KCNT2: variants seen among roughly 807,000 people sequenced by gnomAD.
The protein encoded by KCNT2 is potassium channel subfamily T member 2.
In KCNT2, 67 loss-of-function variants were observed where a neutral mutation model predicts 153.8. The ratio of observed to expected loss-of-function variants is 0.44; its 90% CI spans 0.36 to 0.53. The LOEUF (loss-of-function observed/expected upper bound fraction) is 0.53. Ranked by LOEUF, KCNT2 falls within the 20% of genes least tolerant of loss-of-function variation. The probability of loss-of-function intolerance (pLI) is 0.00; values close to 1 mark genes in which losing one functional copy is unlikely to be tolerated. For synonymous variants in KCNT2, 500 were observed against 458.8 expected, an observed-to-expected ratio of 1.09 and a Z score of -1.15; for missense variants, 975 against 1,354.8, an observed-to-expected ratio of 0.72 and a Z score of 4.40.
intron 1 of KCNT2, among the ~76,000 whole-genome samples, chr1:196,578,973 A>C: frequency 6.6e-6 from 1 of 152,144 alleles, no homozygotes; most frequent in African/African-American, 2.4e-5. Flanking sequence ...TATAATCCCT[A>C]GCTCTACACA....
intron 1 of KCNT2, among the ~76,000 whole-genome samples, chr1:196,499,299 A>G (rs1479088254): frequency 6.6e-6 from 1 of 152,214 alleles, no homozygotes; most frequent in Non-Finnish European, 1.5e-5. Flanking sequence ...GTGGTGCTTC[A>G]TTGTGGCAGT....
At chr1:196,558,381 G>C (rs1658953440) in intron 1 of KCNT2, among the ~76,000 whole-genome samples, 1 of 74,278 alleles carries the variant, frequency 1.3e-5, no homozygotes, top group South Asian at 4.6e-4. Flanking sequence ...CTAAAATAAC[G>C]TGTGTGTGTG....
chr1:196,595,513 C>G (rs1162514030), intron 1 of KCNT2, among the ~76,000 whole-genome samples: 7 of 152,016 alleles, frequency 4.6e-5, no homozygotes, highest in Non-Finnish European at 1.0e-4. Flanking sequence ...TACTAAAATC[C>G]ACAAATGCTC....
intron 9 of KCNT2, 68 bp downstream of exon 9, chr1:196,429,509 A>G (rs1673949101): frequency 9.8e-7 from 1 of 1,023,056 alleles, no homozygotes; most frequent in Admixed American, 2.7e-5. Flanking sequence ...TCCATTTCTT[A>G]TTAAATGTGG....
intron 1 of KCNT2, among the ~76,000 whole-genome samples, chr1:196,590,538 G>C (rs942153591): frequency 5.3e-5 from 8 of 152,066 alleles, no homozygotes; most frequent in Admixed American, 1.3e-4. Flanking sequence ...CCAGACCCTG[G>C]CACTAGCCTC....
chr1:196,339,041 C>T (rs1020030205), intron 16 of KCNT2, among the ~76,000 whole-genome samples: 12 of 148,172 alleles, frequency 8.1e-5, no homozygotes, highest in Non-Finnish European at 1.6e-4. Context: ...TTTGAATATG[C>T]TGTGCCAGTT....
intron 25 of KCNT2, among the ~76,000 whole-genome samples, chr1:196,272,641 C>T (rs1207456785): frequency 1.3e-5 from 2 of 151,788 alleles, no homozygotes. Context: ...CTTGTTGAAA[C>T]CACAGGAAGC....
intron 1 of KCNT2, among the ~76,000 whole-genome samples, chr1:196,548,635 C>T (rs1205879702): frequency 6.6e-6 from 1 of 152,002 alleles, no homozygotes; most frequent in Non-Finnish European, 1.5e-5. Flanking sequence ...TACCATTTGA[C>T]CCAGCCATCC....
intron 1 of KCNT2, among the ~76,000 whole-genome samples, chr1:196,527,778 A>T (rs1654432422): frequency 6.6e-6 from 1 of 152,212 alleles, no homozygotes. Flanking sequence ...GCTGGTGCAC[A>T]AGAAGGAACA....
At chr1:196,398,326 T>C (rs754033486) in intron 13 of KCNT2, among the ~76,000 whole-genome samples, 6 of 151,522 alleles carry the variant, frequency 4.0e-5, no homozygotes, top group Non-Finnish European at 8.9e-5. Flanking sequence ...TCCATTATGT[T>C]AAGGTACTAA....
At chr1:196,596,756 C>A (rs1292069097) in intron 1 of KCNT2, among the ~76,000 whole-genome samples, 1 of 151,988 alleles carries the variant, frequency 6.6e-6, no homozygotes, top group South Asian at 2.1e-4. Flanking sequence ...TGCTGGCATG[C>A]AATCATGTGA....
chr1:196,257,507 T>A, intron 26 of KCNT2: 1 of 974,208 alleles, frequency 1.0e-6, no homozygotes. Flanking sequence ...ATCATTTGGT[T>A]TTCCTTTGAC....
chr1:196,456,002 C>T (rs978244354), intron 8 of KCNT2, among the ~76,000 whole-genome samples: 4 of 152,038 alleles, frequency 2.6e-5, no homozygotes, highest in South Asian at 2.1e-4. Flanking sequence ...CAAGTTTAAA[C>T]AATTATCTGG....
chr1:196,273,142 A>G (rs1007325408), intron 25 of KCNT2, among the ~76,000 whole-genome samples: 12 of 151,850 alleles, frequency 7.9e-5, no homozygotes, highest in African/African-American at 2.7e-4. Context: ...GTTGAAAAGC[A>G]AAAGAAAACT....
chr1:196,564,364 C>T (rs575299641), intron 1 of KCNT2, among the ~76,000 whole-genome samples: 2 of 151,620 alleles, frequency 1.3e-5, no homozygotes, highest in Non-Finnish European at 1.5e-5. Flanking sequence ...AACAAATAAA[C>T]AGAAAAATAT....
rs184498625 is a variant in KCNT2 at position 196,488,102 on chromosome 1, C to A, written c.275+1736G>T. The stretch of plus-strand genomic sequence containing the variant: ...CACATGGTATATTAACAGTAAAATT[C>A]TTTTCATATTATTCAGTTTTCCCAT... On this transcript the variant is annotated intron_variant, in intron 3 of 27. Transcript: ENST00000294725. Among the ~76,000 whole-genome samples, 75 of 152,030 alleles carry A rather than the reference C, an allele frequency of 4.9e-4. 1 individual carries two copies. Among genetic ancestry groups the A allele is most frequent in the South Asian group, 8.3e-4 (4 of 4,828 alleles).
chr1:196,590,553 C>T (rs1663220063), intron 1 of KCNT2, among the ~76,000 whole-genome samples: 1 of 152,156 alleles, frequency 6.6e-6, no homozygotes, highest in Non-Finnish European at 1.5e-5. Context: ...AGCCTCATTC[C>T]TTTCTTCACT....
At chr1:196,353,831 T>C (rs1449889608) in intron 14 of KCNT2, among the ~76,000 whole-genome samples, 1 of 151,944 alleles carries the variant, frequency 6.6e-6, no homozygotes, top group Non-Finnish European at 1.5e-5. Context: ...GAACCTTATA[T>C]AGTTTTGTTT....
chr1:196,357,082 C>T (rs1667234865), intron 14 of KCNT2, among the ~76,000 whole-genome samples: 1 of 151,838 alleles, frequency 6.6e-6, no homozygotes, highest in South Asian at 2.1e-4. Context: ...TCCATATCTT[C>T]TCATTTTTAT....
Sources: allele counts gnomAD v4.1 joint callset (sites outside exome capture counted in the v4.1 genomes callset), GRCh38; gene constraint gnomAD v4.1.1; transcripts MANE v1.5; gene names NCBI Gene and HGNC (gene_info 2026-07-23, HGNC 2026-07-21).